MAP3K5: variants seen among roughly 807,000 people sequenced by gnomAD.
MAP3K5 encodes mitogen-activated protein kinase kinase kinase 5, also known as ASK-1.
In MAP3K5, 56 loss-of-function variants were observed where a neutral mutation model predicts 158.7. The ratio of observed to expected loss-of-function variants is 0.35; its 90% CI spans 0.28 to 0.44. The LOEUF is 0.44. MAP3K5 is among the 20% of genes least tolerant of loss of function. The pLI is 1.00. For synonymous variants in MAP3K5, 579 were observed against 601.7 expected (o/e 0.96, Z 0.55); for missense variants, 1,294 against 1,674.8 (o/e 0.77, Z 3.97).
At chr6:136,690,255 A>G (rs896169919) in intron 7 of MAP3K5, among the ~76,000 whole-genome samples, 4 of 152,192 alleles carry the variant, frequency 2.6e-5, no homozygotes, top group Non-Finnish European at 4.4e-5. Context: ...TAAACATTCT[A>G]TAAATGATAC....
intron 7 of MAP3K5, among the ~76,000 whole-genome samples, chr6:136,680,914 T>C (rs1454174544): frequency 6.6e-6 from 1 of 152,042 alleles, no homozygotes; most frequent in Non-Finnish European, 1.5e-5. Context: ...GGGGTGTAGA[T>C]TTAATCTTGG....
intron 21 of MAP3K5, among the ~76,000 whole-genome samples, chr6:136,600,346 C>T (rs1036057717): frequency 1.3e-5 from 2 of 151,856 alleles, no homozygotes; most frequent in Non-Finnish European, 1.5e-5. Flanking sequence ...CATGCACCAC[C>T]GCACCCAGCT....
Position 136,660,589 on chromosome 6 carries a change from T to A in MAP3K5, c.1367-1211A>T, listed in dbSNP as rs373243685. On this transcript the variant is annotated intron_variant, in intron 8 of 29. Transcript: ENST00000359015. ...ATTATATATTTTCAATTCTACTATG[T>A]CTTGTATTATTTTTGCATTTTATAA... Among the ~76,000 whole-genome samples, 45 of 152,312 alleles carry A rather than the reference T, an allele frequency of 3.0e-4. 3 individuals are homozygous for A. Among genetic ancestry groups the A allele is most frequent in the Admixed American group, 1.4e-3 (22 of 15,308 alleles).
At chr6:136,577,402 C>T (rs1380518267) in intron 25 of MAP3K5, among the ~76,000 whole-genome samples, 1 of 152,180 alleles carries the variant, frequency 6.6e-6, no homozygotes, top group Non-Finnish European at 1.5e-5. Context: ...ATGTAATTCT[C>T]TTCTAAAAAT....
Position 136,633,904 on chromosome 6 carries a change from C to T in MAP3K5, c.2016+3421G>A, listed in dbSNP as rs147173873. Among the ~76,000 whole-genome samples, 950 of 152,230 alleles carry T rather than the reference C, an allele frequency of 6.2e-3. 14 individuals are homozygous for T. Among genetic ancestry groups the T allele is most frequent in the African/African-American group, 7.6e-3 (315 of 41,528 alleles). On this transcript the variant is annotated intron_variant, in intron 14 of 29. Coordinates refer to ENST00000359015, the MANE Select transcript of MAP3K5 (RefSeq NM_005923.4). ...AGCCAAAGGCTTCAGGAATAATTGA[C>T]GCATGTATTGAAACAATGTTAATTC...
At chr6:136,782,053 T>C (rs1338127397) in intron 1 of MAP3K5, among the ~76,000 whole-genome samples, 15 of 132,060 alleles carry the variant, frequency 1.1e-4, no homozygotes, top group African/African-American at 4.5e-4. Context: ...CTGTCTCTAC[T>C]GGAAAAAAAA....
intron 1 of MAP3K5, among the ~76,000 whole-genome samples, chr6:136,780,147 G>C (rs938800535): frequency 2.0e-5 from 3 of 152,212 alleles, no homozygotes; most frequent in Non-Finnish European, 2.9e-5. Context: ...AGATTTTAAA[G>C]GGGTGTGTAC....
chr6:136,683,273 C>T (rs1203512178), intron 7 of MAP3K5, among the ~76,000 whole-genome samples: 1 of 152,182 alleles, frequency 6.6e-6, no homozygotes, highest in East Asian at 1.9e-4. Context: ...AGCATGAAGG[C>T]ATAAAGAAAG....
chr6:136,563,180 G>A (rs1830593915), intron 26 of MAP3K5, among the ~76,000 whole-genome samples: 1 of 152,122 alleles, frequency 6.6e-6, no homozygotes, highest in Non-Finnish European at 1.5e-5. Flanking sequence ...TTGCCGACAA[G>A]AATTCAAAAC....
chr6:136,623,046 A>AT, intron 14 of MAP3K5, 65 bp from the exon 15 acceptor site: 1 of 1,529,758 alleles, frequency 6.5e-7, no homozygotes. Context: ...CAAACATCAA[A>AT]TTTTTTTCCA....
chr6:136,612,983 T>C, intron 17 of MAP3K5, 137 bp downstream of exon 17: 1 of 821,798 alleles, frequency 1.2e-6, no homozygotes. Context: ...TTGAACGATA[T>C]TTTATATTTC....
At chr6:136,667,279 T>C (rs1336458251) in intron 8 of MAP3K5, among the ~76,000 whole-genome samples, 2 of 152,146 alleles carry the variant, frequency 1.3e-5, no homozygotes, top group African/African-American at 4.8e-5. Context: ...AAAGGAGCAA[T>C]AAAAATATTT....
intron 1 of MAP3K5, among the ~76,000 whole-genome samples, chr6:136,734,525 T>C (rs987579319): frequency 1.8e-4 from 27 of 152,144 alleles, no homozygotes; most frequent in African/African-American, 6.0e-4. Context: ...GAAATGGTTA[T>C]ATTTCATGAA....
rs1777084287 is a variant in MAP3K5, at chr6:136,627,307, C to T, written c.2017-4326G>A. On this transcript the variant is annotated intron_variant, in intron 14 of 29. Transcript: ENST00000359015. Reference sequence around the variant, plus strand: ...AAAAAAAAAGTTCAGAGGCTTTTCTCCTCTCTTGTTGCTCCATTCCCCAAT... The same window carrying T: ...AAAAAAAAAGTTCAGAGGCTTTTCTTCTCTCTTGTTGCTCCATTCCCCAAT... 2.0e-5 allele frequency among the ~76,000 whole-genome samples: 3 copies of T among 152,256 alleles called. No homozygotes were observed. The East Asian group carries it at 5.8e-4, about 29-fold the overall frequency.
intron 11 of MAP3K5, among the ~76,000 whole-genome samples, chr6:136,649,247 G>C (rs897315292): frequency 6.6e-6 from 1 of 152,182 alleles, no homozygotes; most frequent in Non-Finnish European, 1.5e-5. Flanking sequence ...TGGGATTATA[G>C]GCATGAGCCA....
chr6:136,757,575 A>ATTTTTTTTT (rs1266911449), intron 1 of MAP3K5, among the ~76,000 whole-genome samples: 59 of 111,292 alleles, frequency 5.3e-4, no homozygotes, highest in African/African-American at 1.2e-3. Flanking sequence ...AGATTTATTT[A>ATTTTTTTTT]TTTATTTTTT....
chr6:136,695,136 A>T (rs376524827), intron 6 of MAP3K5, among the ~76,000 whole-genome samples: 1 of 151,942 alleles, frequency 6.6e-6, no homozygotes, highest in East Asian at 1.9e-4. Flanking sequence ...TTGATGAAAT[A>T]TATTTAGTTT....
At chr6:136,611,107 C>CAAAAAAAAAAAAAAAAAAAAAAAAA (rs59508317) in intron 18 of MAP3K5, among the ~76,000 whole-genome samples, 175 bp downstream of exon 18, 3 of 24,454 alleles carry the variant, frequency 1.2e-4, no homozygotes, top group Non-Finnish European at 1.7e-4. Context: ...GACCCTGTCT[C>CAAAAAAAAAAAAAAAAAAAAAAAAA]AAAAAAAAAA....
chr6:136,590,003 G>C (rs1234341958), intron 23 of MAP3K5, among the ~76,000 whole-genome samples: 2 of 152,190 alleles, frequency 1.3e-5, no homozygotes, highest in East Asian at 3.8e-4. Flanking sequence ...AGTCTTTAAA[G>C]AGGCATTTGG....
Sources: gnomAD v4.1 joint callset for allele counts (sites outside exome capture counted in the v4.1 genomes callset) on GRCh38, gnomAD v4.1.1 for gene constraint, MANE v1.5 for transcripts, NCBI Gene and HGNC (gene_info 2026-07-23, HGNC 2026-07-21) for gene names.